Variants in TAF5 observed in about 807,000 individuals in gnomAD.
TAF5 encodes the protein transcription initiation factor TFIID subunit 5.
Under a neutral mutation model 80.9 loss-of-function variants are expected in TAF5, and 20 were observed. The observed-to-expected ratio is 0.25, with a 90% CI of 0.17 to 0.36. The LOEUF (loss-of-function observed/expected upper bound fraction) is 0.36, where lower values mean the gene tolerates loss of function less well. Among genes scored for constraint, TAF5 ranks in the 10% least tolerant of loss-of-function variants. The pLI, the probability that TAF5 is intolerant of heterozygous loss-of-function variation, is 1.00. For synonymous variants in TAF5, 388 were observed against 406.4 expected, an observed-to-expected ratio of 0.95 and a Z score of 0.55; for missense variants, 863 against 1,029.4, an observed-to-expected ratio of 0.84 and a Z score of 2.21.
intron 8 of TAF5, 129 bp downstream of exon 8, chr10:103,385,619 C>A: frequency 1.8e-6 from 2 of 1,104,482 alleles, no homozygotes; most frequent in Non-Finnish European, 2.6e-6. Context: ...GAAGCTTTTG[C>A]ATTTATAACT....
At chr10:103,379,469 G>A in intron 3 of TAF5, 139 bp from the exon 4 acceptor site, 1 of 731,906 alleles carries the variant, frequency 1.4e-6, no homozygotes, top group Admixed American at 3.5e-5. Context: ...GGGGAGAATG[G>A]CTATTGGGTA....
chr10:103,375,212 A>T (rs939442962), intron 2 of TAF5, among the ~76,000 whole-genome samples: 1 of 151,880 alleles, frequency 6.6e-6, no homozygotes, highest in Non-Finnish European at 1.5e-5. Context: ...ATGTTCTAAT[A>T]TGTGCACCTA....
In TAF5 at chr10:103,374,097, G is replaced by C. The variant is rs1190292635; in HGVS notation, c.797+502G>C. Among the ~76,000 whole-genome samples, 1 of 152,116 alleles carries C rather than the reference G, an allele frequency of 6.6e-6. No homozygotes were observed. Among genetic ancestry groups the C allele is most frequent in the African/African-American group, 2.4e-5 (1 of 41,428 alleles). ...AGGGTCTTTGTTTATCCTAAGAGCA[G>C]TAGGGAGTTGTATTGGATAGGATTA... On this transcript the variant is annotated intron_variant, in intron 2 of 10. Coordinates refer to ENST00000369839, the MANE Select transcript of TAF5 (RefSeq NM_006951.5). This position sits in a 1 kb window ranked among gnomAD's most constrained non-coding sequence, Gnocchi z 4.3.
chr10:103,386,287 A>C (rs1339242149), intron 8 of TAF5, among the ~76,000 whole-genome samples: 1 of 151,942 alleles, frequency 6.6e-6, no homozygotes, highest in Non-Finnish European at 1.5e-5. Context: ...GAAAAAAAAA[A>C]CAAAAATTAG....
At chr10:103,376,553 C>G (rs1182036509) in intron 2 of TAF5, among the ~76,000 whole-genome samples, 2 of 146,222 alleles carry the variant, frequency 1.4e-5, no homozygotes, top group African/African-American at 2.5e-5. Context: ...GTATATAAGG[C>G]AAAATGTTCT....
rs1592097494 is a variant in TAF5, at chr10:103,387,908, T to C, written c.2186-98T>C. 9.4e-6 allele frequency: 12 copies of C among 1,273,330 alleles called. No homozygotes were observed. In the South Asian group the frequency reaches 9.7e-5, roughly 10 times the overall value. 78.9% of individuals were successfully genotyped at this position (1,273,330 alleles called of 1,614,324 possible). A position where few individuals can be genotyped will look rare whatever the true frequency, so the allele number is the denominator to read the frequency against. The stretch of plus-strand genomic sequence containing the variant: ...GAGTTATTGGTCAAGTTTAGATTTT[T>C]CACCCAAAATGTACAGTAAATACAT... On this transcript the variant is annotated intron_variant, in intron 10 of 10. Transcript: ENST00000369839.
rs936340681 is a variant in TAF5, at chr10:103,378,164, A to C, written c.798-71A>C. The C allele has an allele frequency of 7.4e-7, 1 of 1,343,678 alleles. No homozygotes were observed. The highest frequency in any genetic ancestry group is 1.5e-5 in the African/African-American group (1 of 68,662). 83.2% of individuals were successfully genotyped at this position (1,343,678 alleles called of 1,614,324 possible). Reference sequence around the variant, plus strand: ...TTGAAAATATTCTGGGATGGTTTATAAGTATATGGGGGAAAGGCAGATCCC... The same window carrying C: ...TTGAAAATATTCTGGGATGGTTTATCAGTATATGGGGGAAAGGCAGATCCC... On this transcript the variant is annotated intron_variant, in intron 2 of 10. Transcript: ENST00000369839. This position sits in a 1 kb window ranked among gnomAD's most constrained non-coding sequence, Gnocchi z 4.1.
At chr10:103,385,215 TAATATAGTC>T in intron 7 of TAF5, 102 bp from the exon 8 acceptor site, 1 of 809,866 alleles carries the variant, frequency 1.2e-6, no homozygotes. Flanking sequence ...TAGGTATATT[TAATATAGTC>T]AAATATATAT....
chr10:103,369,191 C>T (rs1210295145), intron 1 of TAF5, among the ~76,000 whole-genome samples: 1 of 151,720 alleles, frequency 6.6e-6, no homozygotes, highest in Non-Finnish European at 1.5e-5. Flanking sequence ...GTTGGTCAGG[C>T]TGGTCTCGAA....
rs911956622 is a variant in TAF5, at chr10:103,385,398, G to T, written c.1737G>T (p.Val579=). The T allele has an allele frequency of 6.2e-7, 1 of 1,613,950 alleles. No individual in the cohort carries two copies. Among genetic ancestry groups the T allele is most frequent in the African/African-American group, 1.3e-5 (1 of 75,010 alleles). The change falls in exon 8 of 11, where the codon GTG becomes GTT. Residue 579 remains valine (V), a synonymous_variant. Coordinates refer to ENST00000369839, the MANE Select transcript of TAF5 (RefSeq NM_006951.5). ...GCCTTCAAACATTTACTTGTTTGGTGGGATATAAAGGACACAACTATCCAG... is the reference window on the plus strand; with the variant it reads ...GCCTTCAAACATTTACTTGTTTGGTTGGATATAAAGGACACAACTATCCAG... ...LWSLQTFTCL[V]GYKGHNYPVW...
At chr10:103,368,921 C>A (rs1592088624) in intron 1 of TAF5, among the ~76,000 whole-genome samples, 1 of 152,058 alleles carries the variant, frequency 6.6e-6, no homozygotes, top group African/African-American at 2.4e-5. Context: ...ACTGTAAGTA[C>A]TTTATTTTCT....
chr10:103,378,456 A>G lies in TAF5; in HGVS notation c.1019A>G (p.Asp340Gly). The G allele has an allele frequency of 6.2e-7, 1 of 1,614,218 alleles. No individual in the cohort carries two copies. Among genetic ancestry groups the G allele is most frequent in the Non-Finnish European group, 8.5e-7 (1 of 1,180,046 alleles). The stretch of plus-strand genomic sequence containing the variant: ...ATAGTTCAGGAGCACCTCTACATTG[A>G]CATCTTTGATGGGATGCCGCGTAGT... ...WNIVQEHLYI[D>G]IFDGMPRSKQ... is the part of the protein sequence containing the mutation. Residue 340 changes from aspartate (D) to glycine (G), a missense_variant, in exon 3 of 11, where the codon GAC becomes GGC. Asp to Gly is a moderately conservative substitution (Grantham distance 94). Around this residue, in one of 3 missense-constraint regions of TAF5, gnomAD observed 128 missense variants for 232.2 expected, o/e 0.55. Transcript: ENST00000369839. The surrounding 1 kb of genome is among the most constrained non-coding windows in gnomAD (Gnocchi z 4.1).
At chr10:103,377,918 C>G (rs145426026) in intron 2 of TAF5, among the ~76,000 whole-genome samples, 1 of 152,044 alleles carries the variant, frequency 6.6e-6, no homozygotes, top group Admixed American at 6.6e-5. Context: ...CTACCAGTTT[C>G]TTTTAAATGT....
At position 103,378,719 on chromosome 10, in the gene TAF5, G is replaced by C. The variant is rs531704093; in HGVS notation, c.1113+169G>C. Among the ~76,000 whole-genome samples, 3 of 152,180 alleles carry C rather than the reference G, an allele frequency of 2.0e-5. No individual in the cohort carries two copies. In the South Asian group the frequency reaches 6.2e-4, roughly 32 times the overall value. Reference sequence around the variant, plus strand: ...GTCACCCAAGCTGGAGTGCAGTGGCGTGATCTCAGCTCACTGCAACCTCCA... The same window carrying C: ...GTCACCCAAGCTGGAGTGCAGTGGCCTGATCTCAGCTCACTGCAACCTCCA... On this transcript the variant is annotated intron_variant, in intron 3 of 10. Coordinates refer to ENST00000369839, the MANE Select transcript of TAF5 (RefSeq NM_006951.5). The surrounding 1 kb of genome is among the most constrained non-coding windows in gnomAD (Gnocchi z 4.1).
chr10:103,369,690 G>T (rs2093354666), intron 1 of TAF5, among the ~76,000 whole-genome samples: 1 of 152,060 alleles, frequency 6.6e-6, no homozygotes, highest in Non-Finnish European at 1.5e-5. Context: ...TATGGGCTGA[G>T]TACCACCAGT....
chr10:103,376,814 C>G (rs910693599), intron 2 of TAF5, among the ~76,000 whole-genome samples: 1 of 152,098 alleles, frequency 6.6e-6, no homozygotes, highest in African/African-American at 2.4e-5. Context: ...GAAGCCAAGG[C>G]GGGCAGAATG....
chr10:103,387,766 A>G (rs1396791586), intron 10 of TAF5, 68 bp downstream of exon 10: 2 of 1,463,616 alleles, frequency 1.4e-6, no homozygotes, highest in African/African-American at 2.8e-5. Flanking sequence ...CGACTGCAAT[A>G]CTAAGTCCTT....
chr10:103,376,271 A>G (rs1272930634), intron 2 of TAF5, among the ~76,000 whole-genome samples: 2 of 151,864 alleles, frequency 1.3e-5, no homozygotes, highest in Non-Finnish European at 2.9e-5. Flanking sequence ...TTGTATTTTT[A>G]GTAGAGACAG....
Position 103,378,388 on chromosome 10 carries a change from G to A in TAF5, c.951G>A (p.Leu317=), listed in dbSNP as rs994806979. ...TTTCCCGTGACTCGTACCAACTCTT[G>A]AAGAGGCATCTTCAGGAGAAACAGA... ...LRISRDSYQL[L]KRHLQEKQNN... The change falls in exon 3 of 11, where the codon TTG becomes TTA. Residue 317 remains leucine (L), a synonymous_variant. Transcript: ENST00000369839. This position sits in a 1 kb window ranked among gnomAD's most constrained non-coding sequence, Gnocchi z 4.1. 9 of 1,614,018 alleles carry A rather than the reference G, an allele frequency of 5.6e-6. No individual in the cohort carries two copies. Among genetic ancestry groups the A allele is most frequent in the Admixed American group, 5.0e-5 (3 of 59,978 alleles).
Sources: gnomAD v4.1 joint callset for allele counts (sites outside exome capture counted in the v4.1 genomes callset) on GRCh38, gnomAD v4.1.1 for gene constraint, gnomAD v4.1.1 regional missense constraint, Gnocchi (gnomAD v3.1) non-coding constraint, MANE v1.5 for transcripts, NCBI Gene and HGNC (gene_info 2026-07-23, HGNC 2026-07-21) for gene names.